DUSP1: variants seen among roughly 807,000 people sequenced by gnomAD.
DUSP1 encodes dual specificity protein phosphatase 1.
Under a neutral mutation model 27.4 loss-of-function variants are expected in DUSP1, and 10 were observed. The observed-to-expected ratio is 0.37, with a 90% CI of 0.23 to 0.62. The LOEUF is 0.62. DUSP1 is among the 20% of genes least tolerant of loss of function. DUSP1 has a pLI of 0.68. For synonymous variants in DUSP1, 262 were observed against 223.6 expected (o/e 1.17, Z -1.53); for missense variants, 425 against 508.1 (o/e 0.84, Z 1.57).
At chr5:172,769,284 A>G in intron 3 of DUSP1, 152 bp from the exon 4 acceptor site, 3 of 1,254,652 alleles carry the variant, frequency 2.4e-6, no homozygotes, top group Non-Finnish European at 3.2e-6. Context: ...CATGGAGGCA[A>G]CGTGGGCACT....
Position 172,769,050 on chromosome 5 carries a change from G to A in DUSP1, c.816C>T (p.Tyr272=), listed in dbSNP as rs141498783. Residue 272 remains tyrosine (Y), a synonymous_variant, in exon 4 of 4, where the codon TAC becomes TAT. Coordinates refer to ENST00000239223, the MANE Select transcript of DUSP1 (RefSeq NM_004417.4). ...GCTTGACTCGATTAGTCCTCATAAG[G>A]TAAGCAAGGCAGATGGTGGCTGACC... The part of the protein sequence containing the change: ...ISRSATICLA[Y]LMRTNRVKLD... 508 of 1,614,162 alleles carry A rather than the reference G, an allele frequency of 3.1e-4. 1 individual carries two copies. Among genetic ancestry groups the A allele is most frequent in the Middle Eastern group, 3.3e-4 (2 of 6,062 alleles).
chr5:172,770,910 C>A lies in DUSP1; in HGVS notation c.43G>T (p.Ala15Ser). Reference protein sequence around the residue: ...VGTLDAGGLRALLGERAAQCL... With the variant: ...VGTLDAGGLRSLLGERAAQCL... ...TGCGCCGCTCGCTCCCCCAGCAGCG[C>A]CCGCAGGCCTCCAGCGTCCAGGGTG... The change falls in exon 1 of 4, where the codon GCG (alanine) becomes TCG (serine). Residue 15 changes from alanine (A) to serine (S), a missense_variant. By Grantham distance (99) the Ala-to-Ser change is moderately conservative. Transcript: ENST00000239223. The A allele has an allele frequency of 6.5e-7, 1 of 1,536,044 alleles. No individual in the cohort carries two copies.
intron 3 of DUSP1, 55 bp downstream of exon 3, chr5:172,769,520 G>A: frequency 6.3e-7 from 1 of 1,599,654 alleles, no homozygotes; most frequent in South Asian, 1.1e-5. Context: ...GTTGGGCTTA[G>A]TGGCTAAAAT....
At position 172,768,440 on chromosome 5, in the gene DUSP1, G is replaced by A. The variant is rs1481909302; in HGVS notation, c.*322C>T. On this transcript the variant is annotated 3_prime_UTR_variant, in exon 4 of 4. Transcript: ENST00000239223. ...GTGTCGTCGGGAATAATACTGGTAG[G>A]TATGTCAAGCATGAAGAGATTCTAC... 8 of 241,656 alleles carry A rather than the reference G, an allele frequency of 3.3e-5. No individual in the cohort carries two copies. Among genetic ancestry groups the A allele is most frequent in the Non-Finnish European group, 5.5e-5 (7 of 126,250 alleles). The allele number at this position is 241,656 out of a possible 1,614,324, so 15.0% of individuals were successfully genotyped here.
At position 172,768,859 on chromosome 5, in the gene DUSP1, G is replaced by A. The variant is rs538360202; in HGVS notation, c.1007C>T (p.Thr336Ile). Residue 336 changes from threonine to isoleucine, a missense_variant, in exon 4 of 4, where the codon ACC (threonine) becomes ATC (isoleucine). By Grantham distance (89) the Thr-to-Ile change is moderately conservative. Coordinates refer to ENST00000239223, the MANE Select transcript of DUSP1 (RefSeq NM_004417.4). ...GGAGACGGGGAAGTTGAACACGGTG[G>A]TGGTGGAGGTGCCTCGGTCGAGCAC... ...MAVLDRGTST[T>I]TVFNFPVSIP... 56 of 1,607,634 alleles carry A rather than the reference G, an allele frequency of 3.5e-5. 3 individuals are homozygous for A. The South Asian group carries it at 6.0e-4, about 17-fold the overall frequency.
At position 172,769,761 on chromosome 5, in the gene DUSP1, G is replaced by C; in HGVS notation, c.547C>G (p.Leu183Val). 2 of 1,614,180 alleles carry C rather than the reference G, an allele frequency of 1.2e-6. No homozygotes were observed. The highest frequency in any genetic ancestry group is 1.7e-6 in the Non-Finnish European group (2 of 1,180,038). The change falls in exon 3 of 4, where the codon CTG (leucine) becomes GTG (valine). Residue 183 changes from leucine (L) to valine (V), a missense_variant. Physicochemically the swap from Leu to Val is conservative, Grantham distance 32. Transcript: ENST00000239223. ...GPVEILPFLY[L>V]GSAYHASRKD... ...CGGGAAGCGTGATACGCACTGCCCA[G>C]GTACAGAAAGGGCAGGATTTCCACC...
chr5:172,770,166 C>T lies in DUSP1; in HGVS notation c.508G>A (p.Asp170Asn). The change falls in exon 2 of 4, where the codon GAT becomes AAT. Residue 170 changes from aspartate to asparagine, a missense_variant. Asp to Asn is a conservative substitution (Grantham distance 23, BLOSUM62 1). Transcript: ENST00000239223. ...GCSSCSTPLY[D>N]QGGPVEILPF... ...TGGCAGGGACACCTACTAACCTGAT[C>T]GTAGAGTGGGGTACTGCAGGAACTG... The T allele has an allele frequency of 6.3e-7, 1 of 1,576,952 alleles. No individual in the cohort carries two copies. The highest frequency in any genetic ancestry group is 8.6e-7 in the Non-Finnish European group (1 of 1,165,964).
chr5:172,769,593 C>T lies in DUSP1; in HGVS notation c.715G>A (p.Glu239Lys), dbSNP rs201749251. 2.7e-5 allele frequency: 44 copies of T among 1,614,230 alleles called. No individual in the cohort carries two copies. Among genetic ancestry groups the T allele is most frequent in the Non-Finnish European group, 3.6e-5 (42 of 1,180,036 alleles). The change falls in exon 3 of 4, where the codon GAG becomes AAG. Residue 239 changes from glutamate (E) to lysine (K), a missense_variant. Physicochemically the swap from Glu to Lys is moderately conservative, Grantham distance 56 (BLOSUM62 1). Around this residue, in one of 3 missense-constraint regions of DUSP1, gnomAD observed 59 missense variants for 108.4 expected, o/e 0.54. Transcript: ENST00000239223. ...CATTTACCTATGAAGTCAATGGCCT[C>T]GTTGAACCAGGAGCTGATGTCTGCC... Reference protein sequence around the residue: ...HKADISSWFNEAIDFIDSIKN... With the variant: ...HKADISSWFNKAIDFIDSIKN...
In DUSP1 at chr5:172,769,750, C is replaced by T. The variant is rs755306894; in HGVS notation, c.558G>A (p.Ala186=). ...GCATGTCCTTGCGGGAAGCGTGATA[C>T]GCACTGCCCAGGTACAGAAAGGGCA... The part of the protein sequence containing the change: ...EILPFLYLGS[A]YHASRKDMLD... The change falls in exon 3 of 4, where the codon GCG becomes GCA. Residue 186 remains alanine (A), a synonymous_variant. Transcript: ENST00000239223. The T allele has an allele frequency of 3.1e-6, 5 of 1,614,250 alleles. No individual in the cohort carries two copies. The South Asian group carries it at 4.4e-5, about 14-fold the overall frequency.
In DUSP1 at chr5:172,769,064, T is replaced by C; in HGVS notation, c.802A>G (p.Ile268Val). 3 of 1,614,030 alleles carry C rather than the reference T, an allele frequency of 1.9e-6. No individual in the cohort carries two copies. The highest frequency in any genetic ancestry group is 1.7e-6 in the Non-Finnish European group (2 of 1,180,018). ...CQAGISRSATICLAYLMRTNR... is the reference protein window; with the variant it reads ...CQAGISRSATVCLAYLMRTNR... ...GTCCTCATAAGGTAAGCAAGGCAGA[T>C]GGTGGCTGACCGGGAAATGCCTGCC... is the stretch of plus-strand genomic sequence containing the variant. The change falls in exon 4 of 4, where the codon ATC becomes GTC. Residue 268 changes from isoleucine to valine, a missense_variant. Coordinates refer to ENST00000239223, the MANE Select transcript of DUSP1 (RefSeq NM_004417.4).
chr5:172,770,108 T>G, intron 2 of DUSP1, 53 bp downstream of exon 2: 1 of 1,528,156 alleles, frequency 6.5e-7, no homozygotes, highest in Non-Finnish European at 8.8e-7. Flanking sequence ...GCACTACTCT[T>G]CCATGCCTTT....
intron 1 of DUSP1, 68 bp downstream of exon 1, chr5:172,770,518 G>C: frequency 6.8e-7 from 1 of 1,461,498 alleles, no homozygotes; most frequent in Non-Finnish European, 8.9e-7. Context: ...CCCGGGAGCC[G>C]AGAGCCAGGG....
Position 172,769,594 on chromosome 5 carries a change from G to C in DUSP1, c.714C>G (p.Asn238Lys), listed in dbSNP as rs547191841. ...ATTTACCTATGAAGTCAATGGCCTCGTTGAACCAGGAGCTGATGTCTGCCT... is the reference window on the plus strand; with the variant it reads ...ATTTACCTATGAAGTCAATGGCCTCCTTGAACCAGGAGCTGATGTCTGCCT... The part of the protein sequence containing the change: ...NHKADISSWF[N>K]EAIDFIDSIK... The change falls in exon 3 of 4, where the codon AAC becomes AAG. Residue 238 changes from asparagine (N) to lysine (K), a missense_variant. Transcript: ENST00000239223. 6.2e-7 allele frequency: 1 copy of C among 1,614,230 alleles called. No individual in the cohort carries two copies. Among genetic ancestry groups the C allele is most frequent in the African/African-American group, 1.3e-5 (1 of 75,052 alleles).
Position 172,769,658 on chromosome 5 carries a change from T to C in DUSP1, c.650A>G (p.His217Arg), listed in dbSNP as rs780461692. 84 of 1,614,264 alleles carry C rather than the reference T, an allele frequency of 5.2e-5. No individual in the cohort carries two copies. Among genetic ancestry groups the C allele is most frequent in the Middle Eastern group, 4.9e-4 (3 of 6,062 alleles). ...CACAGGGATGCTCTTGTACTGGTAG[T>C]GACCCTCAAAATGGTTGGGACAATT... ...SANCPNHFEG[H>R]YQYKSIPVED... Residue 217 changes from histidine (H) to arginine (R), a missense_variant, in exon 3 of 4, where the codon CAC (histidine) becomes CGC (arginine). Around this residue, in one of 3 missense-constraint regions of DUSP1, gnomAD observed 282 missense variants for 319.3 expected, o/e 0.88. Transcript: ENST00000239223.
intron 2 of DUSP1, 46 bp downstream of exon 2, chr5:172,770,115 C>T (rs372194413): frequency 2.4e-5 from 36 of 1,531,614 alleles, no homozygotes; most frequent in African/African-American, 4.2e-5. Flanking sequence ...TCTTCCATGC[C>T]TTTGCCAGTT....
intron 3 of DUSP1, 113 bp downstream of exon 3, chr5:172,769,462 T>G: frequency 2.6e-6 from 3 of 1,154,238 alleles, no homozygotes; most frequent in Non-Finnish European, 3.8e-6. Context: ...AGACTGATAC[T>G]GAATGTGTGG....
rs541785829 is a variant in DUSP1, at chr5:172,768,599, C to T, written c.*163G>A. ...GTGCTGAGTTCAGCAAATGTCTTGA[C>T]GCTAAGTCATCACCATAACTGCTTA... On this transcript the variant is annotated 3_prime_UTR_variant, in exon 4 of 4. Coordinates refer to ENST00000239223, the MANE Select transcript of DUSP1 (RefSeq NM_004417.4). 1.1e-4 allele frequency: 104 copies of T among 977,328 alleles called. No homozygotes were observed. Among genetic ancestry groups the T allele is most frequent in the Admixed American group, 3.4e-4 (9 of 26,422 alleles). 60.5% of individuals were successfully genotyped at this position (977,328 alleles called of 1,614,324 possible).
At chr5:172,769,865 A>T in intron 2 of DUSP1, 71 bp from the exon 3 acceptor site, 1 of 1,516,960 alleles carries the variant, frequency 6.6e-7, no homozygotes, top group South Asian at 1.2e-5. Flanking sequence ...ACCCACAAAA[A>T]CTTTCTGCTG....
At chr5:172,769,546 GA>G (rs1759848226) in intron 3 of DUSP1, 28 bp downstream of exon 3, 1 of 1,612,040 alleles carries the variant, frequency 6.2e-7, no homozygotes, top group African/African-American at 1.3e-5. Flanking sequence ...GAGAAAGGCA[GA>G]AAAGCCCCAG....
Sources: allele counts gnomAD v4.1 joint callset, GRCh38; gene constraint gnomAD v4.1.1; regional missense constraint gnomAD v4.1.1; transcripts MANE v1.5; gene names NCBI Gene and HGNC (gene_info 2026-07-23, HGNC 2026-07-21).